Variants in FHL5 observed in about 807,000 individuals in gnomAD.
FHL5 encodes four and a half LIM domains protein 5.
A neutral mutation model predicts 32.0 loss-of-function variants in FHL5; 33 were observed. That is an observed-to-expected ratio of 1.03 (90% CI 0.78 to 1.38). FHL5 has a LOEUF of 1.38. Among genes scored for constraint, FHL5 ranks in the 40% most tolerant of loss-of-function variants. The pLI is 0.00. For missense variants in FHL5, 336 were observed against 343.9 expected (o/e 0.98, Z 0.18); for synonymous variants, 114 against 113.6 (o/e 1.00, Z -0.02).
At position 96,576,634 on chromosome 6, in the gene FHL5, A is replaced by G. The variant is rs1770590266; in HGVS notation, c.-13+13279A>G. Reference sequence around the variant, plus strand: ...TATATTCAGGGAGCTGTTTGATAACATATATATTCAGGGAGCTGTTTAAAG... The same window carrying G: ...TATATTCAGGGAGCTGTTTGATAACGTATATATTCAGGGAGCTGTTTAAAG... On this transcript the variant is annotated intron_variant, in intron 1 of 5. Coordinates refer to ENST00000450218, the MANE Select transcript of FHL5 (RefSeq NM_001322466.2). Among the ~76,000 whole-genome samples, 2 of 152,204 alleles carry G rather than the reference A, an allele frequency of 1.3e-5. 1 individual carries two copies. Among genetic ancestry groups the G allele is most frequent in the South Asian group, 4.1e-4 (2 of 4,834 alleles).
intron 1 of FHL5, among the ~76,000 whole-genome samples, chr6:96,571,697 C>T (rs1329218846): frequency 1.3e-5 from 2 of 152,082 alleles, no homozygotes; most frequent in African/African-American, 2.4e-5. Flanking sequence ...GGGCAGGGCA[C>T]AGCACTGGCC....
At chr6:96,588,927 AT>A (rs776897540) in intron 1 of FHL5, among the ~76,000 whole-genome samples, 8 of 151,780 alleles carry the variant, frequency 5.3e-5, no homozygotes, top group African/African-American at 1.7e-4. Flanking sequence ...TGTTTTTCAT[AT>A]TTTTTAAAAA....
rs777449624 is a variant in FHL5 at position 96,610,749 on chromosome 6, C to A, written c.682C>A (p.Pro228Thr). The A allele has an allele frequency of 9.3e-6, 15 of 1,611,062 alleles. No individual in the cohort carries two copies. Among genetic ancestry groups the A allele is most frequent in the Non-Finnish European group, 1.3e-5 (15 of 1,177,848 alleles). Reference protein sequence around the residue: ...YANKCVACSKPISGLTGAKFI... With the variant: ...YANKCVACSKTISGLTGAKFI... ...CAACAAGTGTGTAGCCTGTTCCAAA[C>A]CCATTAGTGGTGAGTTCTTCAGTTC... is the stretch of plus-strand genomic sequence containing the variant. The change falls in exon 5 of 6, where the codon CCC (proline) becomes ACC (threonine). Residue 228 changes from proline to threonine, a missense_variant. By Grantham distance (38) the Pro-to-Thr change is conservative (BLOSUM62 -1). Transcript: ENST00000450218.
intron 1 of FHL5, among the ~76,000 whole-genome samples, chr6:96,595,270 C>T (rs959201247): frequency 2.6e-5 from 4 of 151,820 alleles, no homozygotes; most frequent in Non-Finnish European, 5.9e-5. Context: ...TACTTATTTT[C>T]TCTTAGCATT....
intron 1 of FHL5, among the ~76,000 whole-genome samples, chr6:96,591,394 T>C (rs1452535331): frequency 6.6e-6 from 1 of 152,208 alleles, no homozygotes; most frequent in Non-Finnish European, 1.5e-5. Context: ...TTCATCTACA[T>C]GTTTACGGTT....
chr6:96,580,342 A>G (rs888150938), intron 1 of FHL5, among the ~76,000 whole-genome samples: 19 of 152,202 alleles, frequency 1.2e-4, no homozygotes, highest in African/African-American at 4.1e-4. Flanking sequence ...AGAAATGAGT[A>G]AGATATAATG....
At chr6:96,614,283 C>T (rs1176923249) in intron 5 of FHL5, among the ~76,000 whole-genome samples, 1 of 152,120 alleles carries the variant, frequency 6.6e-6, no homozygotes. Context: ...ATATACAGAA[C>T]ATTACTCTTG....
intron 4 of FHL5, among the ~76,000 whole-genome samples, chr6:96,607,819 TA>T (rs1204699307): frequency 0.012 from 1,567 of 134,282 alleles, 20 homozygotes; most frequent in African/African-American, 0.036. Flanking sequence ...CCTGTCTGTA[TA>T]AAAAAAAAAA....
intron 5 of FHL5, among the ~76,000 whole-genome samples, chr6:96,614,803 A>G (rs191892493): frequency 2.8e-4 from 43 of 152,338 alleles, no homozygotes; most frequent in African/African-American, 1.0e-3. Flanking sequence ...GGAGACAGAG[A>G]TCAGACCCTC....
chr6:96,574,879 G>A (rs762543355), intron 1 of FHL5, among the ~76,000 whole-genome samples: 1 of 152,050 alleles, frequency 6.6e-6, no homozygotes, highest in African/African-American at 2.4e-5. Context: ...AGATTGATTA[G>A]TAGAAATAAA....
intron 1 of FHL5, among the ~76,000 whole-genome samples, chr6:96,582,682 A>G (rs1229585492): frequency 1.3e-5 from 2 of 152,154 alleles, no homozygotes; most frequent in Non-Finnish European, 2.9e-5. Context: ...AGCTTCCAAC[A>G]AACTGTGCTT....
chr6:96,600,338 T>G (rs1771122786), intron 1 of FHL5, among the ~76,000 whole-genome samples: 1 of 152,200 alleles, frequency 6.6e-6, no homozygotes, highest in African/African-American at 2.4e-5. Context: ...TCATCCTTAA[T>G]GTACCCAGGT....
chr6:96,580,618 A>AT (rs1329788679), intron 1 of FHL5, among the ~76,000 whole-genome samples: 1 of 152,170 alleles, frequency 6.6e-6, no homozygotes. Context: ...TGTTTTATGC[A>AT]TTTTAAGGAG....
intron 1 of FHL5, among the ~76,000 whole-genome samples, chr6:96,602,794 T>TTA (rs1259060740): frequency 6.6e-6 from 1 of 152,218 alleles, no homozygotes; most frequent in Non-Finnish European, 1.5e-5. Context: ...ACTTTGGCCC[T>TTA]AAAGCCTGAA....
intron 1 of FHL5, among the ~76,000 whole-genome samples, chr6:96,569,075 T>G (rs1239121309): frequency 6.6e-6 from 1 of 151,944 alleles, no homozygotes; most frequent in East Asian, 1.9e-4. Flanking sequence ...GATATAGGTG[T>G]TTGTTGCTGC....
chr6:96,605,772 C>A, intron 3 of FHL5, 130 bp from the exon 4 acceptor site: 2 of 763,220 alleles, frequency 2.6e-6, no homozygotes, highest in Non-Finnish European at 4.0e-6. Flanking sequence ...TGAAAAAATA[C>A]TATTTTTCTA....
chr6:96,594,548 A>C (rs945217334), intron 1 of FHL5, among the ~76,000 whole-genome samples: 2 of 151,872 alleles, frequency 1.3e-5, no homozygotes, highest in Non-Finnish European at 2.9e-5. Flanking sequence ...CTTTGGTTGA[A>C]GCTGACAAGA....
chr6:96,587,552 C>A (rs1403929894), intron 1 of FHL5, among the ~76,000 whole-genome samples: 1 of 152,020 alleles, frequency 6.6e-6, no homozygotes, highest in African/African-American at 2.4e-5. Context: ...CTTCTATTAA[C>A]TTTTTGAAGT....
chr6:96,606,368 T>C (rs748179443), intron 4 of FHL5, among the ~76,000 whole-genome samples: 12 of 152,156 alleles, frequency 7.9e-5, no homozygotes, highest in South Asian at 4.1e-4. Flanking sequence ...TTTTATTTTT[T>C]TGGGATGGAA....
Sources: gnomAD v4.1 joint callset for allele counts (sites outside exome capture counted in the v4.1 genomes callset) on GRCh38, gnomAD v4.1.1 for gene constraint, MANE v1.5 for transcripts, NCBI Gene and HGNC (gene_info 2026-07-23, HGNC 2026-07-21) for gene names.